COL19A1: variants seen among roughly 807,000 people sequenced by gnomAD.
COL19A1 encodes the protein collagen type XIX alpha 1 chain.
Under a neutral mutation model 190.2 loss-of-function variants are expected in COL19A1, and 159 were observed. The ratio of observed to expected loss-of-function variants is 0.84; its 90% CI spans 0.73 to 0.95. The LOEUF is 0.95. Among genes scored for constraint, COL19A1 ranks in the 40% least tolerant of loss-of-function variants. COL19A1 has a pLI of 0.00. For missense variants in COL19A1, 1,418 were observed against 1,431.9 expected (o/e 0.99, Z 0.16); for synonymous variants, 509 against 458.9 (o/e 1.11, Z -1.39).
rs77140313 is a variant in COL19A1 at position 70,088,630 on chromosome 6, A to G, written c.1225-13539A>G. Among the ~76,000 whole-genome samples the G allele has an allele frequency of 8.7e-3, 1,322 of 152,236 alleles. 9 individuals carry two copies. The highest frequency in any genetic ancestry group is 0.015 in the South Asian group (70 of 4,816). On this transcript the variant is annotated intron_variant, in intron 15 of 50. Coordinates refer to ENST00000620364, the MANE Select transcript of COL19A1 (RefSeq NM_001858.6). ...TAATTCTTGAAAATACTGGTGAACTACTATTCTCTTTTGTGGATCTATTTA... is the reference window on the plus strand; with the variant it reads ...TAATTCTTGAAAATACTGGTGAACTGCTATTCTCTTTTGTGGATCTATTTA...
Position 70,148,646 on chromosome 6 carries a change from G to A in COL19A1, c.1894-1058G>A, listed in dbSNP as rs150759976. ...AACTTGTATCAGAAAATTATTAGAG[G>A]CTGGGCCTGGTGGCTCACACCTGTA... On this transcript the variant is annotated intron_variant, in intron 27 of 50. Transcript: ENST00000620364. Among the ~76,000 whole-genome samples, 10 of 152,222 alleles carry A rather than the reference G, an allele frequency of 6.6e-5. No homozygotes were observed. In the East Asian group the frequency reaches 1.7e-3, roughly 26 times the overall value.
intron 11 of COL19A1, among the ~76,000 whole-genome samples, chr6:69,997,283 A>G (rs1428726355): frequency 6.6e-6 from 1 of 152,098 alleles, no homozygotes; most frequent in African/African-American, 2.4e-5. Flanking sequence ...CAACTAGACA[A>G]TGATTAGGTT....
chr6:69,898,824 C>T (rs1017983009), intron 2 of COL19A1, 124 bp from the exon 3 acceptor site: 2 of 645,560 alleles, frequency 3.1e-6, no homozygotes, highest in South Asian at 2.2e-5. Context: ...TTCTTATCCT[C>T]ATTTTACAGA....
At chr6:69,929,403 A>G (rs770815994) in intron 5 of COL19A1, 22 bp from the exon 6 acceptor site, 1 of 1,602,444 alleles carries the variant, frequency 6.2e-7, no homozygotes, top group Non-Finnish European at 8.5e-7. Flanking sequence ...AAAACATTTA[A>G]AGATACTTTA....
chr6:70,084,684 A>G (rs1298695355), intron 15 of COL19A1, among the ~76,000 whole-genome samples: 1 of 152,102 alleles, frequency 6.6e-6, no homozygotes, highest in East Asian at 1.9e-4. Flanking sequence ...GTGCAGATGA[A>G]TATTAGGTGG....
chr6:70,078,507 G>A (rs182377155), intron 15 of COL19A1, among the ~76,000 whole-genome samples: 11 of 152,276 alleles, frequency 7.2e-5, no homozygotes, highest in Admixed American at 7.2e-4. Context: ...GGCGAGGCTT[G>A]CCCTCACAGG....
chr6:70,067,927 A>G (rs1462559412), intron 14 of COL19A1, among the ~76,000 whole-genome samples: 1 of 152,110 alleles, frequency 6.6e-6, no homozygotes, highest in Admixed American at 6.6e-5. Flanking sequence ...TATTATTACA[A>G]GAAAGCAGTA....
intron 14 of COL19A1, among the ~76,000 whole-genome samples, chr6:70,047,131 T>C (rs1296901212): frequency 6.6e-6 from 1 of 152,202 alleles, no homozygotes; most frequent in South Asian, 2.1e-4. Context: ...TGTTAAAGAA[T>C]AAAAATTCCT....
intron 47 of COL19A1, 106 bp downstream of exon 47, chr6:70,188,351 A>T (rs1766657739): frequency 7.5e-7 from 1 of 1,329,900 alleles, no homozygotes; most frequent in East Asian, 2.6e-5. Flanking sequence ...AACAAACCTA[A>T]ACTGGTCCCC....
intron 6 of COL19A1, among the ~76,000 whole-genome samples, chr6:69,930,141 T>C (rs1052141945): frequency 1.3e-5 from 2 of 152,228 alleles, no homozygotes; most frequent in African/African-American, 4.8e-5. Flanking sequence ...TTACTTTGTA[T>C]TGCAGACTAT....
At chr6:70,033,876 A>G (rs1423896516) in intron 12 of COL19A1, among the ~76,000 whole-genome samples, 1 of 152,176 alleles carries the variant, frequency 6.6e-6, no homozygotes, top group Admixed American at 6.6e-5. Context: ...GGCAAGCTTA[A>G]CAAAGGCCAA....
intron 11 of COL19A1, among the ~76,000 whole-genome samples, chr6:69,993,335 G>A (rs1229187086): frequency 6.6e-6 from 1 of 152,112 alleles, no homozygotes; most frequent in Non-Finnish European, 1.5e-5. Flanking sequence ...TTAGCTTTTT[G>A]ATGTGCTGTT....
At chr6:69,943,563 C>A (rs1223516134) in intron 9 of COL19A1, among the ~76,000 whole-genome samples, 1 of 152,040 alleles carries the variant, frequency 6.6e-6, no homozygotes, top group East Asian at 1.9e-4. Flanking sequence ...GTTTTCAATC[C>A]ATTTTGGGTT....
intron 14 of COL19A1, among the ~76,000 whole-genome samples, chr6:70,039,765 T>G (rs1779542435): frequency 6.6e-6 from 1 of 151,976 alleles, no homozygotes; most frequent in South Asian, 2.1e-4. Flanking sequence ...GTATTGTTTT[T>G]TTTTTTTTTT....
chr6:70,171,779 C>T (rs1464517998), intron 40 of COL19A1, among the ~76,000 whole-genome samples, 185 bp from the exon 41 acceptor site: 2 of 152,118 alleles, frequency 1.3e-5, no homozygotes, highest in Non-Finnish European at 2.9e-5. Flanking sequence ...CTTTTATTCT[C>T]AAACTATTTT....
intron 1 of COL19A1, among the ~76,000 whole-genome samples, chr6:69,874,765 A>T (rs1032003994): frequency 6.6e-6 from 1 of 152,142 alleles, no homozygotes. Context: ...AAAATAAAAA[A>T]AAAAGAAGTG....
chr6:70,031,250 T>A (rs1428867974), intron 12 of COL19A1, among the ~76,000 whole-genome samples: 3 of 152,082 alleles, frequency 2.0e-5, no homozygotes, highest in Admixed American at 2.0e-4. Flanking sequence ...TTTTTTTAAT[T>A]TGAGCAAATT....
At chr6:70,144,306 G>A (rs1457094007) in intron 24 of COL19A1, 43 bp downstream of exon 24, 2 of 1,509,620 alleles carry the variant, frequency 1.3e-6, no homozygotes, top group African/African-American at 1.7e-5. Flanking sequence ...AAGTAGATAG[G>A]AGGAAGAGAC....
At chr6:70,081,635 A>G (rs534535196) in intron 15 of COL19A1, among the ~76,000 whole-genome samples, 57 of 152,304 alleles carry the variant, frequency 3.7e-4, no homozygotes, top group African/African-American at 1.3e-3. Flanking sequence ...ACATGGCAAA[A>G]ATTGTGAATT....
Sources: gnomAD v4.1 joint callset for allele counts (sites outside exome capture counted in the v4.1 genomes callset) on GRCh38, gnomAD v4.1.1 for gene constraint, MANE v1.5 for transcripts, NCBI Gene and HGNC (gene_info 2026-07-23, HGNC 2026-07-21) for gene names.